Variants in ZMYM4 observed in about 807,000 individuals in gnomAD.
ZMYM4 encodes zinc finger MYM-type containing 4.
A neutral mutation model predicts 183.2 loss-of-function variants in ZMYM4; 31 were observed. That is an observed-to-expected ratio of 0.17 (90% CI 0.13 to 0.23). The LOEUF is 0.23. Ranked by LOEUF, ZMYM4 falls within the 10% of genes least tolerant of loss-of-function variation. The pLI is 1.00. For synonymous variants in ZMYM4, 592 were observed against 631.2 expected, an observed-to-expected ratio of 0.94 and a Z score of 0.93; for missense variants, 1,273 against 1,840.3, an observed-to-expected ratio of 0.69 and a Z score of 5.64.
chr1:35,393,654 G>A lies in ZMYM4; in HGVS notation c.2826G>A (p.Lys942=). Reference sequence around the variant, plus strand: ...CTTCCCAACCTCCAAGGCTTTTGAAGAACAAAGCTTTATTATGCAAACCCA... The same window carrying A: ...CTTCCCAACCTCCAAGGCTTTTGAAAAACAAAGCTTTATTATGCAAACCCA... The part of the protein sequence containing the change: ...LPPSQPPRLL[K]NKALLCKPIT... The change falls in exon 18 of 30, where the codon AAG becomes AAA. Residue 942 remains lysine, a synonymous_variant. Transcript: ENST00000314607. 6.2e-7 allele frequency: 1 copy of A among 1,612,534 alleles called. No individual in the cohort carries two copies. The highest frequency in any genetic ancestry group is 8.5e-7 in the Non-Finnish European group (1 of 1,179,030).
intron 1 of ZMYM4, chr1:35,308,893 A>G (rs1641671318): frequency 1.1e-6 from 1 of 894,964 alleles, no homozygotes; most frequent in African/African-American, 1.8e-5. Context: ...ATAAAAGGAA[A>G]TTTTTTGCTT....
At chr1:35,380,212 G>A (rs1311241455) in intron 7 of ZMYM4, among the ~76,000 whole-genome samples, 1 of 152,206 alleles carries the variant, frequency 6.6e-6, no homozygotes, top group Middle Eastern at 3.4e-3. Context: ...TGAGTATAAA[G>A]CAGTTTATTA....
chr1:35,394,711 T>C (rs1570516184), intron 18 of ZMYM4, among the ~76,000 whole-genome samples: 1 of 152,354 alleles, frequency 6.6e-6, no homozygotes, highest in South Asian at 2.1e-4. Flanking sequence ...TATATGCCTT[T>C]AGGACAATTT....
Position 35,421,714 on chromosome 1 carries a change from T to C in ZMYM4, c.*2037T>C, listed in dbSNP as rs1412160599. The stretch of plus-strand genomic sequence containing the variant: ...ATAAGAGAAAATATTGATTAATTAT[T>C]GGTCATTCCTCATAAGTGTAGCTGT... On this transcript the variant is annotated 3_prime_UTR_variant, in exon 30 of 30. Transcript: ENST00000314607. 1.3e-5 allele frequency: 2 copies of C among 152,228 alleles called. No homozygotes were observed. The highest frequency in any genetic ancestry group is 4.8e-5 in the African/African-American group (2 of 41,462). 9.4% of individuals were successfully genotyped at this position (152,228 alleles called of 1,614,324 possible).
In ZMYM4 at chr1:35,415,584, A is replaced by G. The variant is rs751942244; in HGVS notation, c.4179A>G (p.Leu1393=). 1 of 1,614,184 alleles carries G rather than the reference A, an allele frequency of 6.2e-7. No individual in the cohort carries two copies. Among genetic ancestry groups the G allele is most frequent in the Admixed American group, 1.7e-5 (1 of 60,016 alleles). ...LLFFNTKYFQ[L]KNVTEHLKLS... is the part of the protein sequence containing the mutation. ...TCTTCAATACCAAATACTTCCAACT[A>G]AAGAATGTTACTGAGCACTTGAAGC... The change falls in exon 28 of 30, where the codon CTA becomes CTG. Residue 1393 remains leucine (L), a synonymous_variant. Transcript: ENST00000314607.
At chr1:35,341,838 A>G (rs760643649) in intron 2 of ZMYM4, among the ~76,000 whole-genome samples, 9 of 152,150 alleles carry the variant, frequency 5.9e-5, no homozygotes, top group Admixed American at 2.0e-4. Flanking sequence ...GGTTTCTGTC[A>G]AATAGGCTTA....
intron 10 of ZMYM4, 48 bp downstream of exon 10, chr1:35,385,640 G>A: frequency 6.5e-7 from 1 of 1,535,994 alleles, no homozygotes; most frequent in Non-Finnish European, 8.7e-7. Flanking sequence ...GAAAAATAAT[G>A]GTTATTGCTT....
At position 35,326,141 on chromosome 1, in the gene ZMYM4, A is replaced by G. The variant is rs368640484; in HGVS notation, c.85+736A>G. ...AAATTGTGACTTTAGGTGAAATGAC[A>G]TATAATGAAACCAATTTTACCATAA... On this transcript the variant is annotated intron_variant, in intron 2 of 29. Transcript: ENST00000314607. Among the ~76,000 whole-genome samples, 45 of 152,306 alleles carry G rather than the reference A, an allele frequency of 3.0e-4. No individual in the cohort carries two copies. The East Asian group carries it at 5.2e-3, about 18-fold the overall frequency.
chr1:35,395,129 T>G (rs1031024936), intron 18 of ZMYM4, among the ~76,000 whole-genome samples: 3 of 151,902 alleles, frequency 2.0e-5, no homozygotes, highest in African/African-American at 7.3e-5. Flanking sequence ...TCTTATAAGC[T>G]CCCAGGTAAA....
chr1:35,302,200 C>CTTTTTTTTTTTTTTTT lies in ZMYM4; in HGVS notation c.40-23150_40-23135dup, dbSNP rs576277396. On this transcript the variant is annotated intron_variant, in intron 1 of 29. Coordinates refer to ENST00000314607, the MANE Select transcript of ZMYM4 (RefSeq NM_005095.3). ...ATCCACAAGCTAAAAACGGCTCTTG[C>CTTTTTTTTTTTTTTTT]TTTTTTTTTTTTTTTTTTTTTTTTT... Among the ~76,000 whole-genome samples, 17 of 58,550 alleles carry CTTTTTTTTTTTTTTTT rather than the reference C, an allele frequency of 2.9e-4. 1 individual carries two copies. Among genetic ancestry groups the CTTTTTTTTTTTTTTTT allele is most frequent in the African/African-American group, 1.0e-3 (16 of 15,524 alleles). The allele number at this position is 58,550 out of a possible 152,430, so 38.4% of individuals were successfully genotyped here. A position where few individuals can be genotyped will look rare whatever the true frequency, so the allele number is the denominator to read the frequency against.
At chr1:35,275,673 A>G (rs1443053656) in intron 1 of ZMYM4, among the ~76,000 whole-genome samples, 2 of 152,212 alleles carry the variant, frequency 1.3e-5, no homozygotes, top group African/African-American at 4.8e-5. Context: ...AATTCTGATT[A>G]TTTTACTATG....
intron 1 of ZMYM4, among the ~76,000 whole-genome samples, chr1:35,305,206 T>C (rs553796360): frequency 6.6e-6 from 1 of 152,314 alleles, no homozygotes; most frequent in East Asian, 1.9e-4. Context: ...TAAATACCAC[T>C]TGGGTCAAGT....
At chr1:35,397,304 C>T (rs774423237) in intron 19 of ZMYM4, 73 bp from the exon 20 acceptor site, 18 of 1,383,750 alleles carry the variant, frequency 1.3e-5, no homozygotes, top group Non-Finnish European at 1.3e-5. Context: ...ATACCTAAAT[C>T]ATCTCACAAA....
Position 35,396,678 on chromosome 1 carries a change from A to G in ZMYM4, c.3030+8A>G. The G allele has an allele frequency of 1.2e-6, 2 of 1,612,544 alleles. No homozygotes were observed. Among genetic ancestry groups the G allele is most frequent in the Non-Finnish European group, 1.7e-6 (2 of 1,179,212 alleles). ...TTTGGAATTCCAGTTCCAGTGAGTA[A>G]TCATTTAGAGATTAAAGCTAATATA... On this transcript the variant is annotated splice_region_variant and intron_variant, in intron 19 of 29. Transcript: ENST00000314607.
intron 26 of ZMYM4, among the ~76,000 whole-genome samples, chr1:35,410,486 A>C (rs1190722284): frequency 6.6e-6 from 1 of 151,066 alleles, no homozygotes; most frequent in Non-Finnish European, 1.5e-5. Flanking sequence ...CTGTTTATTA[A>C]TTAATTTATT....
chr1:35,370,127 CTGAATAAAT>C lies in ZMYM4; in HGVS notation c.925+15_925+23del, dbSNP rs770767243. 6.2e-7 allele frequency: 1 copy of C among 1,610,620 alleles called. No individual in the cohort carries two copies. The highest frequency in any genetic ancestry group is 8.5e-7 in the Non-Finnish European group (1 of 1,177,546). ...GCAGCCCTCTTGGTAAGAAACAGAC[CTGAATAAAT>C]GGATTGTGTATGTTCTGACCAATAT... On this transcript the variant is annotated intron_variant, in intron 6 of 29. Transcript: ENST00000314607.
chr1:35,304,630 T>C (rs1337820130), intron 1 of ZMYM4, among the ~76,000 whole-genome samples: 1 of 149,872 alleles, frequency 6.7e-6, no homozygotes, highest in Non-Finnish European at 1.5e-5. Flanking sequence ...GGCTAATTTT[T>C]TTTTTGTATT....
intron 2 of ZMYM4, among the ~76,000 whole-genome samples, chr1:35,336,097 C>T (rs981223393): frequency 2.6e-5 from 4 of 152,040 alleles, no homozygotes; most frequent in Non-Finnish European, 5.9e-5. Flanking sequence ...TCCTCATCAC[C>T]CCCTCTTCAT....
At chr1:35,412,170 C>T (rs561238060) in intron 26 of ZMYM4, among the ~76,000 whole-genome samples, 1 of 151,454 alleles carries the variant, frequency 6.6e-6, no homozygotes, top group African/African-American at 2.5e-5. Flanking sequence ...TGAGCCACCG[C>T]ACCTGGCGGG....
Sources: allele counts gnomAD v4.1 joint callset (sites outside exome capture counted in the v4.1 genomes callset), GRCh38; gene constraint gnomAD v4.1.1; transcripts MANE v1.5; gene names NCBI Gene and HGNC (gene_info 2026-07-23, HGNC 2026-07-21).